Variants in LIN28B observed in about 807,000 individuals in gnomAD.
LIN28B encodes protein lin-28 homolog B.
In LIN28B, 5 loss-of-function variants were observed where a neutral mutation model predicts 21.9. The observed-to-expected ratio is 0.23, with a 90% CI of 0.12 to 0.48. The LOEUF (loss-of-function observed/expected upper bound fraction) is 0.48. Among genes scored for constraint, LIN28B ranks in the 20% least tolerant of loss-of-function variants. LIN28B has a pLI of 0.98. For missense variants in LIN28B, 245 were observed against 310.5 expected (o/e 0.79, Z 1.58); for synonymous variants, 109 against 111.3 (o/e 0.98, Z 0.13).
intron 3 of LIN28B, among the ~76,000 whole-genome samples, chr6:105,065,321 T>C (rs1254198157): frequency 2.0e-5 from 3 of 152,154 alleles, no homozygotes; most frequent in African/African-American, 7.2e-5. Flanking sequence ...GACTTTATCT[T>C]GAGCTCTAAT....
intron 3 of LIN28B, among the ~76,000 whole-genome samples, chr6:105,050,685 G>C (rs1023017698): frequency 6.8e-6 from 1 of 147,358 alleles, no homozygotes; most frequent in African/African-American, 2.5e-5. Context: ...AGTTTCTGCC[G>C]AGAGATCTGC....
intron 2 of LIN28B, among the ~76,000 whole-genome samples, chr6:104,979,093 G>A (rs1197770869): frequency 6.6e-6 from 1 of 151,874 alleles, no homozygotes; most frequent in Non-Finnish European, 1.5e-5. Context: ...AAACATTTTA[G>A]CATTTTTGTT....
At chr6:105,062,719 T>G (rs1014548267) in intron 3 of LIN28B, among the ~76,000 whole-genome samples, 8 of 152,124 alleles carry the variant, frequency 5.3e-5, no homozygotes, top group African/African-American at 1.9e-4. Context: ...TTCCAGCTTA[T>G]TGTTCTTGGT....
chr6:105,012,306 A>T (rs567318855), intron 2 of LIN28B, among the ~76,000 whole-genome samples: 1 of 151,390 alleles, frequency 6.6e-6, no homozygotes, highest in East Asian at 1.9e-4. Context: ...TGTCTCTACT[A>T]AAAAATACGA....
intron 2 of LIN28B, among the ~76,000 whole-genome samples, chr6:104,996,605 G>A (rs1410863653): frequency 1.3e-5 from 2 of 152,134 alleles, no homozygotes; most frequent in East Asian, 3.9e-4. Context: ...AATACACTAA[G>A]GACAGTAATT....
chr6:104,967,787 T>C (rs530526352), intron 2 of LIN28B, among the ~76,000 whole-genome samples: 2 of 152,106 alleles, frequency 1.3e-5, no homozygotes, highest in Admixed American at 6.5e-5. Flanking sequence ...CAAGCAATTA[T>C]CCAACCTGAG....
At chr6:104,963,982 A>C (rs1769806012) in intron 2 of LIN28B, among the ~76,000 whole-genome samples, 1 of 152,174 alleles carries the variant, frequency 6.6e-6, no homozygotes, top group Admixed American at 6.5e-5. Flanking sequence ...TTAAAAGCTT[A>C]TTTGTTATCT....
intron 2 of LIN28B, among the ~76,000 whole-genome samples, chr6:104,948,230 A>C (rs1001774539): frequency 4.6e-5 from 7 of 152,230 alleles, no homozygotes; most frequent in African/African-American, 1.7e-4. Context: ...GCACTTTGGG[A>C]GGCCGAGGCG....
chr6:104,983,662 C>T lies in LIN28B; in HGVS notation c.198+25376C>T, dbSNP rs547022474. ...TGCTATCTCGGCTCGCTGCAACCTCCACCTCCCAGTTTCAAGTGATTCTCC... is the reference window on the plus strand; with the variant it reads ...TGCTATCTCGGCTCGCTGCAACCTCTACCTCCCAGTTTCAAGTGATTCTCC... On this transcript the variant is annotated intron_variant, in intron 2 of 3. Coordinates refer to ENST00000345080, the MANE Select transcript of LIN28B (RefSeq NM_001004317.4). Among the ~76,000 whole-genome samples, 5 of 152,232 alleles carry T rather than the reference C, an allele frequency of 3.3e-5. No individual in the cohort carries two copies. In the South Asian group the frequency reaches 1.0e-3, roughly 32 times the overall value.
chr6:105,044,749 G>A (rs1374294058), intron 3 of LIN28B, among the ~76,000 whole-genome samples: 1 of 152,236 alleles, frequency 6.6e-6, no homozygotes, highest in African/African-American at 2.4e-5. Context: ...GTGGCTTTTG[G>A]TTACATGGAT....
upstream of LIN28B, among the ~76,000 whole-genome samples, chr6:104,953,031 C>G (rs1190133044): frequency 6.6e-6 from 1 of 152,208 alleles, no homozygotes; most frequent in African/African-American, 2.4e-5. Flanking sequence ...GTCTCCATGT[C>G]GTAGGAATGT....
chr6:104,968,546 T>A (rs913855345), intron 2 of LIN28B, among the ~76,000 whole-genome samples: 1 of 152,206 alleles, frequency 6.6e-6, no homozygotes, highest in Non-Finnish European at 1.5e-5. Flanking sequence ...TTTGTTAATC[T>A]TAAAATTAGA....
rs1009072601 is a variant in LIN28B, at chr6:105,080,276, T to A, written c.*1493T>A. 1 of 152,652 alleles carries A rather than the reference T, an allele frequency of 6.6e-6. No individual in the cohort carries two copies. The highest frequency in any genetic ancestry group is 2.4e-5 in the African/African-American group (1 of 41,464). 9.5% of individuals were successfully genotyped at this position (152,652 alleles called of 1,614,324 possible). ...AATTTCTGAAACATCTGCAAGAAGG[T>A]ACCAGTTAATTATAGTGCTTAATAT... On this transcript the variant is annotated 3_prime_UTR_variant, in exon 4 of 4. Coordinates refer to ENST00000345080, the MANE Select transcript of LIN28B (RefSeq NM_001004317.4).
chr6:104,956,021 T>A (rs2114561454), upstream of LIN28B, among the ~76,000 whole-genome samples: 1 of 152,216 alleles, frequency 6.6e-6, no homozygotes, highest in Non-Finnish European at 1.5e-5. Flanking sequence ...GTTGTTACAT[T>A]TTCGTTTATT....
At chr6:105,050,599 A>G (rs1324885500) in intron 3 of LIN28B, among the ~76,000 whole-genome samples, 1 of 80,904 alleles carries the variant, frequency 1.2e-5, no homozygotes, top group South Asian at 5.2e-4. Flanking sequence ...ACAGAGCGAG[A>G]CTCCGTCTCA....
intron 3 of LIN28B, among the ~76,000 whole-genome samples, chr6:105,032,861 A>G (rs1196689999): frequency 6.6e-6 from 1 of 152,126 alleles, no homozygotes; most frequent in South Asian, 2.1e-4. Context: ...ACTCTTTGAC[A>G]AACTGTTTCT....
At chr6:105,046,211 T>C (rs949207313) in intron 3 of LIN28B, among the ~76,000 whole-genome samples, 2 of 152,002 alleles carry the variant, frequency 1.3e-5, no homozygotes, top group Non-Finnish European at 2.9e-5. Flanking sequence ...GTTCCCCTTC[T>C]TGTGTCCAAG....
At chr6:104,943,594 A>T (rs1298919067) in intron 2 of LIN28B, among the ~76,000 whole-genome samples, 2 of 152,206 alleles carry the variant, frequency 1.3e-5, no homozygotes, top group African/African-American at 4.8e-5. Flanking sequence ...ATTATTGATT[A>T]TGAAAGTGGC....
At chr6:105,024,848 T>G (rs1241742093) in intron 2 of LIN28B, among the ~76,000 whole-genome samples, 2 of 152,182 alleles carry the variant, frequency 1.3e-5, no homozygotes, top group Non-Finnish European at 2.9e-5. Flanking sequence ...GAATTGAAGA[T>G]TTTCTGGTCC....
Sources: allele counts gnomAD v4.1 joint callset (sites outside exome capture counted in the v4.1 genomes callset), GRCh38; gene constraint gnomAD v4.1.1; transcripts MANE v1.5; gene names NCBI Gene and HGNC (gene_info 2026-07-23, HGNC 2026-07-21).